Variants in KAT6A observed in about 807,000 individuals in gnomAD.
The protein encoded by KAT6A is lysine acetyltransferase 6A.
A neutral mutation model predicts 198.4 loss-of-function variants in KAT6A; 9 were observed. That is an observed-to-expected ratio of 0.05 (90% CI 0.03 to 0.08). KAT6A has a LOEUF of 0.08. Ranked by LOEUF, KAT6A falls within the 10% of genes least tolerant of loss-of-function variation. The pLI is 1.00. For missense variants in KAT6A, 2,077 were observed against 2,509.9 expected, an observed-to-expected ratio of 0.83 and a Z score of 3.69; for synonymous variants, 890 against 883.0, an observed-to-expected ratio of 1.01 and a Z score of -0.14.
At position 41,941,399 on chromosome 8, in the gene KAT6A, A is replaced by T; in HGVS notation, c.2482T>A (p.Ser828Thr). ...TCTGGTTTCTTTTCACTTTCTACTG[A>T]ATAAGAATCTTGTTCTTTGTTCTCA... is the stretch of plus-strand genomic sequence containing the variant. ...SHENKEQDSY[S>T]VESEKKPEVM... Residue 828 changes from serine to threonine, a missense_variant, in exon 15 of 17, where the codon TCA (serine) becomes ACA (threonine). Physicochemically the swap from Ser to Thr is moderately conservative, Grantham distance 58. Coordinates refer to ENST00000265713, the MANE Select transcript of KAT6A (RefSeq NM_006766.5). 1.2e-6 allele frequency: 2 copies of T among 1,608,568 alleles called. No homozygotes were observed. The highest frequency in any genetic ancestry group is 1.7e-6 in the Non-Finnish European group (2 of 1,179,586).
At chr8:41,991,436 G>A (rs1456047249) in intron 2 of KAT6A, among the ~76,000 whole-genome samples, 1 of 152,104 alleles carries the variant, frequency 6.6e-6, no homozygotes, top group Admixed American at 6.6e-5. Context: ...ACATTGTTAT[G>A]TCAGGAAAGT....
chr8:41,974,629 C>A, intron 8 of KAT6A, 75 bp downstream of exon 8: 1 of 881,672 alleles, frequency 1.1e-6, no homozygotes. Flanking sequence ...CTGCTTAACC[C>A]ACAATGTAAT....
chr8:42,030,347 G>A (rs1827044486), intron 2 of KAT6A, among the ~76,000 whole-genome samples: 1 of 152,116 alleles, frequency 6.6e-6, no homozygotes, highest in East Asian at 1.9e-4. Flanking sequence ...TCCCAGCCAG[G>A]CCAGCTGTTC....
chr8:42,045,661 T>C (rs1190637104), intron 2 of KAT6A, among the ~76,000 whole-genome samples: 2 of 152,034 alleles, frequency 1.3e-5, no homozygotes, highest in Admixed American at 1.3e-4. Flanking sequence ...ACTTTTGTTT[T>C]TCTTGCTTTA....
At chr8:41,960,856 G>GT (rs1164346968) in intron 8 of KAT6A, among the ~76,000 whole-genome samples, 8 of 152,122 alleles carry the variant, frequency 5.3e-5, no homozygotes, top group African/African-American at 1.9e-4. Flanking sequence ...CTTTTTCCCT[G>GT]TAATTCCACC....
At chr8:41,988,880 T>C (rs1824762735) in intron 2 of KAT6A, among the ~76,000 whole-genome samples, 1 of 152,170 alleles carries the variant, frequency 6.6e-6, no homozygotes, top group African/African-American at 2.4e-5. Context: ...CTGTGCAGGA[T>C]GGCAATGGAA....
chr8:41,932,319 A>G lies in KAT6A; in HGVS notation c.5901T>C (p.Pro1967=). 1 of 1,614,206 alleles carries G rather than the reference A, an allele frequency of 6.2e-7. No individual in the cohort carries two copies. Among genetic ancestry groups the G allele is most frequent in the Non-Finnish European group, 8.5e-7 (1 of 1,180,048 alleles). Residue 1967 remains proline, a synonymous_variant, in exon 17 of 17, where the codon CCT becomes CCC. Transcript: ENST00000265713. ...MMGSQAYTQQ[P]MQPNPHGNMM... is the part of the protein sequence containing the mutation. ...TGTTCCCATGAGGGTTAGGCTGCAT[A>G]GGCTGCTGGGTATAGGCCTGGCTCC...
At chr8:41,954,229 A>C (rs888551438) in intron 9 of KAT6A, among the ~76,000 whole-genome samples, 2 of 152,226 alleles carry the variant, frequency 1.3e-5, no homozygotes, top group East Asian at 3.8e-4. Context: ...AAAAAGATAA[A>C]TAAGTTTTAC....
chr8:42,000,380 G>A (rs1256915001), intron 2 of KAT6A, among the ~76,000 whole-genome samples: 1 of 151,812 alleles, frequency 6.6e-6, no homozygotes, highest in Non-Finnish European at 1.5e-5. Flanking sequence ...GTGAAGCCTC[G>A]TCTCTACCAA....
In KAT6A at chr8:41,967,274, A is replaced by ATTTATTTATTTATTT. The variant is rs1554686629; in HGVS notation, c.1482+7429_1482+7430insAAATAAATAAATAAA. On this transcript the variant is annotated intron_variant, in intron 8 of 16. Coordinates refer to ENST00000265713, the MANE Select transcript of KAT6A (RefSeq NM_006766.5). ...GCGTCTTTCTTTTTTTAAAAAAAAA[A>ATTTATTTATTTATTT]ATTTATTTATTTATTTATTTATTTA... Among the ~76,000 whole-genome samples, 183 of 142,840 alleles carry ATTTATTTATTTATTT rather than the reference A, an allele frequency of 1.3e-3. 1 individual carries two copies. The highest frequency in any genetic ancestry group is 3.8e-3 in the African/African-American group (148 of 38,566). The allele number at this position is 142,840 out of a possible 152,430, so 93.7% of individuals were successfully genotyped here.
chr8:41,959,135 T>G (rs1587742808), intron 8 of KAT6A, among the ~76,000 whole-genome samples: 1 of 121,866 alleles, frequency 8.2e-6, no homozygotes, highest in East Asian at 2.5e-4. Context: ...CACTCCAGCC[T>G]GGGTGACAGA....
chr8:41,949,442 G>A (rs1228599035), intron 9 of KAT6A, 79 bp from the exon 10 acceptor site: 7 of 1,125,994 alleles, frequency 6.2e-6, no homozygotes, highest in Non-Finnish European at 8.2e-6. Flanking sequence ...TCATCTTTTT[G>A]CCTCTCATTA....
At chr8:42,027,153 T>C (rs1406447637) in intron 2 of KAT6A, among the ~76,000 whole-genome samples, 1 of 152,194 alleles carries the variant, frequency 6.6e-6, no homozygotes, top group Non-Finnish European at 1.5e-5. Flanking sequence ...TCTTTTTGAT[T>C]GTTGCTGGAT....
chr8:41,974,914 C>A, intron 7 of KAT6A, 92 bp from the exon 8 acceptor site: 1 of 699,066 alleles, frequency 1.4e-6, no homozygotes, highest in Non-Finnish European at 2.5e-6. Context: ...ATTTGAAGAA[C>A]TTAATATATA....
intron 2 of KAT6A, among the ~76,000 whole-genome samples, chr8:41,996,574 G>A (rs1825215103): frequency 6.6e-6 from 1 of 152,194 alleles, no homozygotes; most frequent in African/African-American, 2.4e-5. Flanking sequence ...ATTGGGCCAT[G>A]AGGGCTCCAC....
At chr8:41,945,416 G>A (rs996913661) in intron 12 of KAT6A, among the ~76,000 whole-genome samples, 3 of 151,556 alleles carry the variant, frequency 2.0e-5, no homozygotes, top group East Asian at 2.0e-4. Flanking sequence ...GATTACAGGC[G>A]CCCACCACCA....
intron 12 of KAT6A, among the ~76,000 whole-genome samples, chr8:41,945,004 C>G (rs890603959): frequency 1.3e-5 from 2 of 152,140 alleles, no homozygotes; most frequent in Non-Finnish European, 2.9e-5. Context: ...TTTGTTTGAA[C>G]CATTAGTTCT....
intron 11 of KAT6A, among the ~76,000 whole-genome samples, chr8:41,947,496 T>C (rs923105053): frequency 6.6e-6 from 1 of 152,218 alleles, no homozygotes; most frequent in Admixed American, 6.5e-5. Flanking sequence ...GTTATTACCA[T>C]GGGAAGAGAA....
rs1225734988 is a variant in KAT6A, at chr8:41,941,347, C to T, written c.2534G>A (p.Arg845His). Residue 845 changes from arginine to histidine, a missense_variant, in exon 15 of 17, where the codon CGT (arginine) becomes CAT (histidine). Physicochemically the swap from Arg to His is conservative, Grantham distance 29. Transcript: ENST00000265713. The part of the protein sequence containing the change: ...PEVMAPVSST[R>H]LSKQVLPHDS... ...ATGAGGAAGGACTTGTTTGCTCAAA[C>T]GTGTAGAACTGACTGGAGCCATAAC... is the stretch of plus-strand genomic sequence containing the variant. 42 of 1,612,992 alleles carry T rather than the reference C, an allele frequency of 2.6e-5. No homozygotes were observed. The highest frequency in any genetic ancestry group is 3.5e-5 in the Non-Finnish European group (41 of 1,180,008).
Sources: gnomAD v4.1 joint callset for allele counts (sites outside exome capture counted in the v4.1 genomes callset) on GRCh38, gnomAD v4.1.1 for gene constraint, MANE v1.5 for transcripts, NCBI Gene and HGNC (gene_info 2026-07-23, HGNC 2026-07-21) for gene names.